The following USP1 variants were observed in gnomAD, a reference collection of about 807,000 sequenced individuals.
The protein encoded by USP1 is ubiquitin specific peptidase 1.
USP1 carries 18 observed loss-of-function variants against 72.2 expected under a neutral mutation model. The observed-to-expected ratio is 0.25, with a 90% confidence interval of 0.17 to 0.37. USP1 has a LOEUF of 0.37. USP1 is among the 10% of genes least tolerant of loss of function. The pLI is 1.00. For synonymous variants in USP1, 354 were observed against 303.7 expected, an observed-to-expected ratio of 1.17 and a Z score of -1.72; for missense variants, 759 against 884.9, an observed-to-expected ratio of 0.86 and a Z score of 1.81.
intron 2 of USP1, 143 bp from the exon 3 acceptor site, chr1:62,441,345 A>G: frequency 1.1e-5 from 11 of 1,010,786 alleles, no homozygotes; most frequent in African/African-American, 1.7e-5. Context: ...TTGAGCCTGT[A>G]TTTCTTAAAA....
intron 7 of USP1, among the ~76,000 whole-genome samples, chr1:62,447,897 C>T (rs657444): frequency 0.016 from 2,433 of 152,216 alleles, 70 homozygotes; most frequent in African/African-American, 0.056. Flanking sequence ...TGCCATTCTC[C>T]TGCCTCAGCC....
chr1:62,443,090 C>T, intron 4 of USP1, 69 bp from the exon 5 acceptor site: 1 of 1,504,650 alleles, frequency 6.6e-7, no homozygotes, highest in Non-Finnish European at 9.0e-7. Flanking sequence ...TTAAGTGAGA[C>T]AAAGACAAAG....
intron 2 of USP1, among the ~76,000 whole-genome samples, chr1:62,441,011 ATTT>A (rs397737121): frequency 6.9e-6 from 1 of 145,702 alleles, no homozygotes; most frequent in Non-Finnish European, 1.5e-5. Context: ...ATAGCTACAT[ATTT>A]TTTTTTTTTT....
At position 62,445,137 on chromosome 1, in the gene USP1, C is replaced by T. The variant is rs1645161701; in HGVS notation, c.957C>T (p.Pro319=). Residue 319 remains proline (P), a synonymous_variant, in exon 6 of 9, where the codon CCC becomes CCT. Transcript: ENST00000339950. ...TAGAGAGTCCTCCTAAAATAATTCC[C>T]AAGTATATTTCTGAAAATGAGAGTC... is the stretch of plus-strand genomic sequence containing the variant. ...DTLESPPKII[P]KYISENESPR... 2.5e-6 allele frequency: 4 copies of T among 1,613,142 alleles called. No homozygotes were observed. The highest frequency in any genetic ancestry group is 3.4e-6 in the Non-Finnish European group (4 of 1,179,818).
upstream of USP1, chr1:62,437,009 G>C (rs1370911471): frequency 7.5e-6 from 3 of 397,880 alleles, no homozygotes; most frequent in African/African-American, 2.1e-5. Context: ...CGCAGCGCTG[G>C]CGCGGGCGGA....
rs1471254705 is a variant in USP1 at position 62,444,681 on chromosome 1, CT to C, written c.558-54del. The C allele has an allele frequency of 3.8e-6, 5 of 1,329,476 alleles. No homozygotes were observed. In the African/African-American group the frequency reaches 6.0e-5, roughly 16 times the overall value. 82.4% of individuals were successfully genotyped at this position (1,329,476 alleles called of 1,614,324 possible). On this transcript the variant is annotated intron_variant, in intron 5 of 8. Transcript: ENST00000339950. ...TTACATGAATTAATTTCTATATAGG[CT>C]TTATGTACTGTATCTTCAAAACTAG...
At position 62,445,410 on chromosome 1, in the gene USP1, A is replaced by C. The variant is rs552411293; in HGVS notation, c.1230A>C (p.Glu410Asp). 2 of 1,566,938 alleles carry C rather than the reference A, an allele frequency of 1.3e-6. No homozygotes were observed. The highest frequency in any genetic ancestry group is 2.7e-5 in the African/African-American group (2 of 72,844). The change falls in exon 6 of 9, where the codon GAA (glutamate) becomes GAC (aspartate). Residue 410 changes from glutamate to aspartate, a missense_variant. Transcript: ENST00000339950. ...CTGTTACACCTGTAAATGTTAATGA[A>C]GTTAAACCCATAAACAAAGGTTAGT... ...GNTVTPVNVN[E>D]VKPINKGEEQ... is the part of the protein sequence containing the mutation.
chr1:62,440,072 T>A, intron 2 of USP1, 35 bp downstream of exon 2: 1 of 1,390,386 alleles, frequency 7.2e-7, no homozygotes, highest in Non-Finnish European at 9.4e-7. Flanking sequence ...TTAAAAATTC[T>A]ACAGTAAAGC....
chr1:62,443,169 A>G lies in USP1; in HGVS notation c.407A>G (p.Lys136Arg). The change falls in exon 5 of 9, where the codon AAA (lysine) becomes AGA (arginine). Residue 136 changes from lysine to arginine, a missense_variant. Physicochemically the swap from Lys to Arg is conservative, Grantham distance 26 (BLOSUM62 2). Around this residue, in one of 9 missense-constraint regions of USP1, gnomAD observed 71 missense variants for 71.0 expected, o/e 1.00. Coordinates refer to ENST00000339950, the MANE Select transcript of USP1 (RefSeq NM_003368.5). Reference protein sequence around the residue: ...EANQKDKGNCKEDSLASYELI... With the variant: ...EANQKDKGNCREDSLASYELI... The stretch of plus-strand genomic sequence containing the variant: ...TTTCTTTCTTGACAGGGAAATTGCA[A>G]AGAAGATTCTTTGGCAAGTTATGAA... The G allele has an allele frequency of 6.2e-7, 1 of 1,608,500 alleles. No individual in the cohort carries two copies. The highest frequency in any genetic ancestry group is 8.5e-7 in the Non-Finnish European group (1 of 1,178,554).
chr1:62,442,583 TTTACCCA>T (rs1286465820), intron 4 of USP1, among the ~76,000 whole-genome samples: 3 of 152,210 alleles, frequency 2.0e-5, no homozygotes, highest in Non-Finnish European at 4.4e-5. Flanking sequence ...GTACAACTTA[TTTACCCA>T]TTGTGTTTTC....
rs1645096639 is a variant in USP1, at chr1:62,437,346, T to C, written c.-124T>C. On this transcript the variant is annotated 5_prime_UTR_variant, in exon 1 of 9. Transcript: ENST00000339950. The stretch of plus-strand genomic sequence containing the variant: ...ACTCACCTGTCGCACCCACACTCAT[T>C]CGGGTTGGACTTGCCGGCGTCACCG... 2.5e-5 allele frequency: 10 copies of C among 394,878 alleles called. No homozygotes were observed. In the East Asian group the frequency reaches 3.2e-4, roughly 13 times the overall value. 24.5% of individuals were successfully genotyped at this position (394,878 alleles called of 1,614,324 possible).
chr1:62,451,105 T>C lies in USP1; in HGVS notation c.*124T>C. Reference sequence around the variant, plus strand: ...CTGGATATTATTGGTCTCTCTAGGTTTTTATATAAATAGTGAAATTTGAAT... The same window carrying C: ...CTGGATATTATTGGTCTCTCTAGGTCTTTATATAAATAGTGAAATTTGAAT... On this transcript the variant is annotated 3_prime_UTR_variant, in exon 9 of 9. Coordinates refer to ENST00000339950, the MANE Select transcript of USP1 (RefSeq NM_003368.5). 2 of 995,228 alleles carry C rather than the reference T, an allele frequency of 2.0e-6. No homozygotes were observed. The highest frequency in any genetic ancestry group is 2.8e-6 in the Non-Finnish European group (2 of 726,402). The allele number at this position is 995,228 out of a possible 1,614,324, so 61.6% of individuals were successfully genotyped here.
chr1:62,438,923 G>C (rs1645112442), intron 1 of USP1, among the ~76,000 whole-genome samples: 1 of 152,248 alleles, frequency 6.6e-6, no homozygotes, highest in Admixed American at 6.5e-5. Context: ...TCTCAACTTT[G>C]CTTGTGTTTT....
At chr1:62,446,689 G>GA (rs1403304028) in intron 6 of USP1, among the ~76,000 whole-genome samples, 1 of 152,216 alleles carries the variant, frequency 6.6e-6, no homozygotes, top group Non-Finnish European at 1.5e-5. Context: ...AGATATCAGG[G>GA]AAAATGTGTA....
intron 5 of USP1, 94 bp from the exon 6 acceptor site, chr1:62,444,644 T>A (rs1571134853): frequency 9.8e-7 from 1 of 1,024,812 alleles, no homozygotes; most frequent in East Asian, 3.0e-5. Flanking sequence ...ATGAAATAAT[T>A]TATGATTTTC....
Position 62,448,452 on chromosome 1 carries a change from T to C in USP1, c.1421-13T>C. 1 of 1,611,196 alleles carries C rather than the reference T, an allele frequency of 6.2e-7. No homozygotes were observed. The highest frequency in any genetic ancestry group is 8.5e-7 in the Non-Finnish European group (1 of 1,178,494). On this transcript the variant is annotated splice_polypyrimidine_tract_variant and intron_variant, in intron 7 of 8. Transcript: ENST00000339950. ...TGAGAGAAGTATTTGAGTGAAAGGA[T>C]TCTCTTTTTTAGTTTCTCCAGAGCC...
rs1335948196 is a variant in USP1 at position 62,446,061 on chromosome 1, G to A, written c.1249+632G>A. On this transcript the variant is annotated intron_variant, in intron 6 of 8. Transcript: ENST00000339950. ...AAGAGTACATTTCCCTTTATGCAGT[G>A]TTTGACATAAACTGATGAAGGACAT... Among the ~76,000 whole-genome samples the A allele has an allele frequency of 2.0e-5, 3 of 152,140 alleles. No homozygotes were observed. The East Asian group carries it at 5.8e-4, about 29-fold the overall frequency.
chr1:62,441,913 G>T (rs1439461678), intron 3 of USP1, among the ~76,000 whole-genome samples: 1 of 152,158 alleles, frequency 6.6e-6, no homozygotes, highest in Admixed American at 6.5e-5. Context: ...TCCCTTGGAA[G>T]TAACGTTGGC....
rs1474489757 is a variant in USP1, at chr1:62,443,057, G to A, written c.397-102G>A. 2.4e-6 allele frequency: 3 copies of A among 1,255,202 alleles called. No individual in the cohort carries two copies. In the African/African-American group the frequency reaches 4.6e-5, roughly 19 times the overall value. The allele number at this position is 1,255,202 out of a possible 1,614,324, so 77.8% of individuals were successfully genotyped here. On this transcript the variant is annotated intron_variant, in intron 4 of 8. Transcript: ENST00000339950. ...CATCCCTTAAAATTAGTGCTATTAT[G>A]CAACTTAGAAAATCTAGTATTCTTA...
Sources: allele counts gnomAD v4.1 joint callset (sites outside exome capture counted in the v4.1 genomes callset), GRCh38; gene constraint gnomAD v4.1.1; regional missense constraint gnomAD v4.1.1; transcripts MANE v1.5; gene names NCBI Gene and HGNC (gene_info 2026-07-23, HGNC 2026-07-21).